Variants in EFNA5 observed in about 807,000 individuals in gnomAD.
EFNA5 encodes the protein ephrin-A5.
Under a neutral mutation model 22.9 loss-of-function variants are expected in EFNA5, and 5 were observed. The ratio of observed to expected loss-of-function variants is 0.22; its 90% CI spans 0.11 to 0.46. The LOEUF is 0.46. Ranked by LOEUF, EFNA5 falls within the 20% of genes least tolerant of loss-of-function variation. EFNA5 has a pLI of 0.99. For synonymous variants in EFNA5, 113 were observed against 112.2 expected, an observed-to-expected ratio of 1.01 and a Z score of -0.04; for missense variants, 237 against 293.3, an observed-to-expected ratio of 0.81 and a Z score of 1.40.
At chr5:107,584,856 T>C (rs774722250) in intron 1 of EFNA5, among the ~76,000 whole-genome samples, 2 of 152,192 alleles carry the variant, frequency 1.3e-5, no homozygotes, top group East Asian at 1.9e-4. Context: ...TGTAAGAGGT[T>C]TGACCCATTG....
At chr5:107,421,422 G>C (rs968845462) in intron 2 of EFNA5, among the ~76,000 whole-genome samples, 4 of 152,112 alleles carry the variant, frequency 2.6e-5, no homozygotes, top group Admixed American at 2.6e-4. Flanking sequence ...CCTGAATCAA[G>C]TGTGCAATCG....
At chr5:107,574,864 A>G (rs576197043) in intron 1 of EFNA5, among the ~76,000 whole-genome samples, 1 of 152,316 alleles carries the variant, frequency 6.6e-6, no homozygotes, top group East Asian at 1.9e-4. Flanking sequence ...TAAGGGAGAT[A>G]AAAACCTAAG....
intron 1 of EFNA5, among the ~76,000 whole-genome samples, chr5:107,486,642 G>T (rs1746629642): frequency 6.6e-6 from 1 of 152,068 alleles, no homozygotes; most frequent in Admixed American, 6.6e-5. Flanking sequence ...GTCACTTTTG[G>T]GCTGAAGCAA....
chr5:107,578,369 G>C (rs1170599386), intron 1 of EFNA5, among the ~76,000 whole-genome samples: 1 of 152,132 alleles, frequency 6.6e-6, no homozygotes, highest in East Asian at 1.9e-4. Flanking sequence ...AATCAGTTTT[G>C]GGTTGTGGAT....
In EFNA5 at chr5:107,606,638, G is replaced by A. The variant is rs373268362; in HGVS notation, c.125+63851C>T. Among the ~76,000 whole-genome samples, 32 of 151,850 alleles carry A rather than the reference G, an allele frequency of 2.1e-4. 1 individual carries two copies. The South Asian group carries it at 2.5e-3, about 12-fold the overall frequency. Reference sequence around the variant, plus strand: ...TATCTGAGCCACATATTAGCTGTACGACTTTGGAAGGTTACATAATATCTC... The same window carrying A: ...TATCTGAGCCACATATTAGCTGTACAACTTTGGAAGGTTACATAATATCTC... On this transcript the variant is annotated intron_variant, in intron 1 of 4. Transcript: ENST00000333274.
intron 1 of EFNA5, among the ~76,000 whole-genome samples, chr5:107,615,284 G>T (rs1207726461): frequency 6.6e-6 from 1 of 151,968 alleles, no homozygotes; most frequent in Non-Finnish European, 1.5e-5. Flanking sequence ...TTATCATTTC[G>T]ATATCCCCTC....
chr5:107,448,571 C>A (rs1749457981), intron 1 of EFNA5, among the ~76,000 whole-genome samples: 1 of 151,962 alleles, frequency 6.6e-6, no homozygotes, highest in Non-Finnish European at 1.5e-5. Flanking sequence ...TGGCTCACAC[C>A]CGTAATCCCA....
intron 1 of EFNA5, among the ~76,000 whole-genome samples, chr5:107,441,504 A>T (rs1749256629): frequency 6.6e-6 from 1 of 152,214 alleles, no homozygotes; most frequent in African/African-American, 2.4e-5. Context: ...CTGGGACATG[A>T]TCTGAAGCTT....
At chr5:107,427,649 G>A in intron 1 of EFNA5, 140 bp from the exon 2 acceptor site, 1 of 712,640 alleles carries the variant, frequency 1.4e-6, no homozygotes. Context: ...TATGATTTGG[G>A]GCATGGTTTG....
At chr5:107,582,063 A>T (rs1749084370) in intron 1 of EFNA5, among the ~76,000 whole-genome samples, 1 of 152,212 alleles carries the variant, frequency 6.6e-6, no homozygotes. Context: ...CTAAGTACAC[A>T]GGTATCAATC....
intron 1 of EFNA5, among the ~76,000 whole-genome samples, chr5:107,510,040 A>G (rs1237745560): frequency 1.3e-5 from 2 of 152,204 alleles, no homozygotes; most frequent in African/African-American, 2.4e-5. Flanking sequence ...CTTTCCCAGG[A>G]GGGTAAGAGA....
intron 1 of EFNA5, among the ~76,000 whole-genome samples, chr5:107,663,613 T>C (rs997052395): frequency 3.9e-5 from 6 of 152,088 alleles, no homozygotes; most frequent in Non-Finnish European, 5.9e-5. Context: ...ATCATAAAAC[T>C]TGCAGCAATA....
At chr5:107,455,347 T>C (rs1749671853) in intron 1 of EFNA5, among the ~76,000 whole-genome samples, 1 of 152,174 alleles carries the variant, frequency 6.6e-6, no homozygotes, top group Non-Finnish European at 1.5e-5. Flanking sequence ...ACTCGGATCA[T>C]GAATATATTT....
chr5:107,469,393 TA>T (rs1750078391), intron 1 of EFNA5, among the ~76,000 whole-genome samples: 1 of 123,120 alleles, frequency 8.1e-6, no homozygotes, highest in South Asian at 2.2e-4. Context: ...CTCTTTCTTT[TA>T]TTTTTTTTTG....
intron 1 of EFNA5, among the ~76,000 whole-genome samples, chr5:107,557,581 A>G (rs759587699): frequency 1.6e-4 from 24 of 152,320 alleles, no homozygotes; most frequent in Non-Finnish European, 3.2e-4. Context: ...AGTGAATTCA[A>G]TCCTGGTTAG....
At chr5:107,641,687 CATTTA>C (rs889031108) in intron 1 of EFNA5, among the ~76,000 whole-genome samples, 16 of 152,074 alleles carry the variant, frequency 1.1e-4, no homozygotes, top group African/African-American at 3.9e-4. Context: ...CCTAATGATG[CATTTA>C]ATTTTTAATT....
At chr5:107,464,392 T>G (rs1749918922) in intron 1 of EFNA5, among the ~76,000 whole-genome samples, 1 of 152,106 alleles carries the variant, frequency 6.6e-6, no homozygotes, top group South Asian at 2.1e-4. Context: ...ACAGCAAGAT[T>G]GTACTTTAGC....
intron 1 of EFNA5, among the ~76,000 whole-genome samples, chr5:107,482,893 T>TATATATAC (rs1371480254): frequency 7.1e-6 from 1 of 139,966 alleles, no homozygotes; most frequent in African/African-American, 2.6e-5. Flanking sequence ...TATATATATA[T>TATATATAC]ACATACATAT....
At chr5:107,518,371 T>G (rs1169308628) in intron 1 of EFNA5, among the ~76,000 whole-genome samples, 3 of 151,742 alleles carry the variant, frequency 2.0e-5, no homozygotes, top group African/African-American at 4.8e-5. Flanking sequence ...ATTGACAGGA[T>G]TTTGGTGTTA....
Sources: gnomAD v4.1 joint callset for allele counts (sites outside exome capture counted in the v4.1 genomes callset) on GRCh38, gnomAD v4.1.1 for gene constraint, MANE v1.5 for transcripts, NCBI Gene and HGNC (gene_info 2026-07-23, HGNC 2026-07-21) for gene names.